The following FRMD6 variants were observed in gnomAD, a reference collection of about 807,000 sequenced individuals.
FRMD6 encodes the protein FERM domain-containing protein 6.
FRMD6 carries 37 observed loss-of-function variants against 73.2 expected under a neutral mutation model. That is an observed-to-expected ratio of 0.51 (90% confidence interval 0.39 to 0.66). The LOEUF (loss-of-function observed/expected upper bound fraction) is 0.66, where lower values mean the gene tolerates loss of function less well. Among genes scored for constraint, FRMD6 ranks in the 30% least tolerant of loss-of-function variants. The pLI is 0.00. For synonymous variants in FRMD6, 273 were observed against 282.2 expected, an observed-to-expected ratio of 0.97 and a Z score of 0.33; for missense variants, 714 against 780.5, an observed-to-expected ratio of 0.91 and a Z score of 1.02.
chr14:51,480,791 A>T, the FRMD6 span, among the ~76,000 whole-genome samples: 11 of 152,288 alleles, frequency 7.2e-5, no homozygotes, highest in South Asian at 2.3e-3. Flanking sequence ...GAGCTACTAC[A>T]TGCTAGGTGC....
chr14:51,601,154 CT>C (rs941212655), intron 2 of FRMD6, among the ~76,000 whole-genome samples: 2 of 152,286 alleles, frequency 1.3e-5, no homozygotes, highest in African/African-American at 4.8e-5. Flanking sequence ...ATCCACTATG[CT>C]TTGGGTAGAG....
chr14:51,509,228 T>G (rs1275497203), intron 1 of FRMD6, among the ~76,000 whole-genome samples: 2 of 152,144 alleles, frequency 1.3e-5, no homozygotes. Flanking sequence ...AAATCCTAAA[T>G]GAAAACGAGT....
intron 1 of FRMD6, among the ~76,000 whole-genome samples, chr14:51,689,471 A>G (rs114920375): frequency 3.3e-5 from 5 of 152,298 alleles, no homozygotes; most frequent in East Asian, 1.9e-4. Flanking sequence ...CTCATTGGTT[A>G]TAAGTTTAAT....
At chr14:51,566,089 C>G (rs1447718960) in intron 1 of FRMD6, among the ~76,000 whole-genome samples, 1 of 152,136 alleles carries the variant, frequency 6.6e-6, no homozygotes, top group Non-Finnish European at 1.5e-5. Context: ...GGCATGAACC[C>G]AGGAGGTGGA....
At chr14:51,450,855 T>G in the FRMD6 span, among the ~76,000 whole-genome samples, 1 of 152,312 alleles carries the variant, frequency 6.6e-6, no homozygotes, top group Non-Finnish European at 1.5e-5. Flanking sequence ...CTAGATGCTA[T>G]GGACACAGAG....
chr14:51,704,530 A>T (rs371429423), intron 5 of FRMD6: 29 of 478,214 alleles, frequency 6.1e-5, no homozygotes, highest in African/African-American at 5.4e-4. Flanking sequence ...CGTTATTTTT[A>T]TTGTCTGGAT....
chr14:51,699,047 A>G (rs1245657108), intron 3 of FRMD6, among the ~76,000 whole-genome samples: 1 of 152,122 alleles, frequency 6.6e-6, no homozygotes, highest in African/African-American at 2.4e-5. Flanking sequence ...AAGGCTTAAG[A>G]TATCTTGGAA....
At chr14:51,661,943 T>G (rs1011226647) in intron 1 of FRMD6, among the ~76,000 whole-genome samples, 3 of 152,216 alleles carry the variant, frequency 2.0e-5, no homozygotes, top group Non-Finnish European at 4.4e-5. Flanking sequence ...GCCGTGCATA[T>G]CTTCAGCAGG....
At chr14:51,468,221 A>G in the FRMD6 span, among the ~76,000 whole-genome samples, 10 of 147,596 alleles carry the variant, frequency 6.8e-5, no homozygotes, top group Non-Finnish European at 1.2e-4. Context: ...GGGAGGTTGC[A>G]GTGAGCGGAG....
intron 12 of FRMD6, among the ~76,000 whole-genome samples, chr14:51,722,378 A>T (rs376315558): frequency 6.6e-6 from 1 of 152,222 alleles, no homozygotes; most frequent in South Asian, 2.1e-4. Context: ...CATATAATGT[A>T]TCTGGAAGGC....
intron 2 of FRMD6, among the ~76,000 whole-genome samples, chr14:51,639,825 A>G (rs1891740792): frequency 6.6e-6 from 1 of 152,206 alleles, no homozygotes. Context: ...AAATATAGAG[A>G]TATCTATTAG....
chr14:51,611,557 T>C (rs1890501436), intron 2 of FRMD6, among the ~76,000 whole-genome samples: 2 of 152,234 alleles, frequency 1.3e-5, no homozygotes, highest in African/African-American at 4.8e-5. Context: ...TTTTCTCATT[T>C]TCTCTTCGAC....
intron 2 of FRMD6, among the ~76,000 whole-genome samples, chr14:51,642,953 G>C (rs1027224540): frequency 6.6e-6 from 1 of 152,178 alleles, no homozygotes; most frequent in Non-Finnish European, 1.5e-5. Context: ...AGAGTCAGGA[G>C]AGAATGGCCT....
At chr14:51,397,860 A>G in the FRMD6 span, among the ~76,000 whole-genome samples, 1 of 152,240 alleles carries the variant, frequency 6.6e-6, no homozygotes, top group Non-Finnish European at 1.5e-5. Context: ...TGAAACATAA[A>G]TGAATTTTTT....
intron 2 of FRMD6, among the ~76,000 whole-genome samples, chr14:51,622,193 A>G (rs1890951331): frequency 6.6e-6 from 1 of 152,226 alleles, no homozygotes; most frequent in Admixed American, 6.5e-5. Context: ...GATTCCAATA[A>G]GGAAGTGTTT....
chr14:51,455,858 G>A, the FRMD6 span, among the ~76,000 whole-genome samples: 1 of 152,354 alleles, frequency 6.6e-6, no homozygotes, highest in Non-Finnish European at 1.5e-5. Flanking sequence ...CTAAAAGCCA[G>A]ATAGATGCAA....
intron 2 of FRMD6, among the ~76,000 whole-genome samples, chr14:51,641,934 CT>C (rs34354107): frequency 0.54 from 82,618 of 151,792 alleles, 22,834 homozygotes; most frequent in Non-Finnish European, 0.6. Context: ...AAATCACCCC[CT>C]ATCCAAGGAC....
At chr14:51,599,413 A>G (rs1205977900) in intron 2 of FRMD6, among the ~76,000 whole-genome samples, 1 of 152,154 alleles carries the variant, frequency 6.6e-6, no homozygotes, top group African/African-American at 2.4e-5. Context: ...AGGAGACACC[A>G]TTCTGGGCAT....
intron 1 of FRMD6, among the ~76,000 whole-genome samples, chr14:51,496,006 C>G (rs868052372): frequency 2.0e-5 from 3 of 152,154 alleles, no homozygotes; most frequent in South Asian, 2.1e-4. Flanking sequence ...GTCTGTGTGG[C>G]TGGAATACAA....
Sources: allele counts gnomAD v4.1 joint callset (sites outside exome capture counted in the v4.1 genomes callset), GRCh38; gene constraint gnomAD v4.1.1; transcripts MANE v1.5; gene names NCBI Gene and HGNC (gene_info 2026-07-23, HGNC 2026-07-21).